The following ZNF438 variants were observed in gnomAD, a reference collection of about 807,000 sequenced individuals.
ZNF438 encodes the protein zinc finger protein 438.
ZNF438 carries 25 observed loss-of-function variants against 38.0 expected under a neutral mutation model. The observed-to-expected ratio is 0.66, with a 90% CI of 0.48 to 0.92. The LOEUF (loss-of-function observed/expected upper bound fraction) is 0.92, where lower values mean the gene tolerates loss of function less well. ZNF438 is among the 40% of genes least tolerant of loss of function. The pLI is 0.00. For synonymous variants in ZNF438, 372 were observed against 364.1 expected (o/e 1.02, Z -0.25); for missense variants, 1,007 against 999.6 (o/e 1.01, Z -0.10).
In ZNF438 at chr10:30,924,782, T is replaced by C. The variant is rs112045198; in HGVS notation, c.-114-15767A>G. ...ACTGCCTTAAATTGGTTAAGAGATA[T>C]GGCTATTGAATGCAATGTGGTATCC... On this transcript the variant is annotated intron_variant, in intron 2 of 5. Coordinates refer to ENST00000413025, the Ensembl canonical transcript of ZNF438. 6.0e-3 allele frequency among the ~76,000 whole-genome samples: 909 copies of C among 152,280 alleles called. 8 individuals are homozygous for C. The highest frequency in any genetic ancestry group is 0.021 in the African/African-American group (874 of 41,574).
At chr10:30,987,940 C>A (rs1391744813) in intron 1 of ZNF438, among the ~76,000 whole-genome samples, 1 of 152,138 alleles carries the variant, frequency 6.6e-6, no homozygotes, top group East Asian at 1.9e-4. Flanking sequence ...ATTTTTATGG[C>A]GAACTTACTT....
At chr10:31,032,288 C>G (rs2057339756), upstream of ZNF438, among the ~76,000 whole-genome samples, 2 of 152,192 alleles carry the variant, frequency 1.3e-5, no homozygotes, top group African/African-American at 4.8e-5. Flanking sequence ...AAAAGTTCTC[C>G]ACGTGTGGAA....
chr10:30,991,260 C>T (rs2053460722), intron 1 of ZNF438, among the ~76,000 whole-genome samples: 1 of 152,236 alleles, frequency 6.6e-6, no homozygotes, highest in East Asian at 1.9e-4. Context: ...AAGCCACTGG[C>T]ACTGTTCATT....
intron 4 of ZNF438, chr10:30,857,817 A>G (rs2034925375): frequency 1.5e-6 from 2 of 1,316,780 alleles, no homozygotes; most frequent in Non-Finnish European, 2.0e-6. Context: ...CAGTGGAGGA[A>G]AGAATGAGGG....
At chr10:30,907,751 T>G (rs1408072535) in intron 3 of ZNF438, among the ~76,000 whole-genome samples, 2 of 152,112 alleles carry the variant, frequency 1.3e-5, no homozygotes, top group African/African-American at 4.8e-5. Flanking sequence ...GGTTCATTAA[T>G]TTTGCTGATC....
chr10:31,030,788 G>A (rs1347976279), intron 1 of ZNF438, among the ~76,000 whole-genome samples: 1 of 152,186 alleles, frequency 6.6e-6, no homozygotes, highest in African/African-American at 2.4e-5. Flanking sequence ...TACTAGTCCC[G>A]GAGTTTGAGA....
chr10:30,894,449 C>T (rs77651382), intron 3 of ZNF438, among the ~76,000 whole-genome samples: 4,466 of 152,214 alleles, frequency 0.029, 103 homozygotes, highest in Non-Finnish European at 0.044. Context: ...TGTGTGTGTC[C>T]TCTAGTGCCC....
intron 1 of ZNF438, among the ~76,000 whole-genome samples, chr10:30,990,062 G>A (rs1336085438): frequency 1.3e-5 from 2 of 151,922 alleles, no homozygotes; most frequent in African/African-American, 4.8e-5. Context: ...CTTCAGTGAT[G>A]GTAATACTTG....
In ZNF438 at chr10:30,848,638, C is replaced by T. The variant is rs41289001; in HGVS notation, c.1767G>A (p.Val589=). 7,429 of 1,614,214 alleles carry T rather than the reference C, an allele frequency of 4.6e-3. 23 individuals carry two copies. Among genetic ancestry groups the T allele is most frequent in the Non-Finnish European group, 5.7e-3 (6,676 of 1,180,034 alleles). Reference sequence around the variant, plus strand: ...GCTCAGTGCTGATCACAACCCTATGCACTTCTTTCAGATGGCCAAAATAGA... The same window carrying T: ...GCTCAGTGCTGATCACAACCCTATGTACTTCTTTCAGATGGCCAAAATAGA... Residue 589 remains valine, a synonymous_variant, in exon 5 of 6, where the codon GTG becomes GTA. Coordinates refer to ENST00000413025, the Ensembl canonical transcript of ZNF438.
In ZNF438 at chr10:30,865,220, T is replaced by C. The variant is rs117773589; in HGVS notation, c.37+11778A>G. Among the ~76,000 whole-genome samples the C allele has an allele frequency of 4.3e-3, 652 of 152,354 alleles. 3 individuals carry two copies. Among genetic ancestry groups the C allele is most frequent in the Non-Finnish European group, 7.1e-3 (485 of 68,042 alleles). On this transcript the variant is annotated intron_variant, in intron 4 of 5. Coordinates refer to ENST00000413025, the Ensembl canonical transcript of ZNF438. ...CAACTGTTAGGAGAGAGAGAACATG[T>C]CTTTCTTCTAAGAGACATCTACAGC...
chr10:31,030,517 A>G (rs184927217), intron 1 of ZNF438, among the ~76,000 whole-genome samples: 8 of 152,340 alleles, frequency 5.3e-5, no homozygotes, highest in East Asian at 3.9e-4. Flanking sequence ...GGAAAAACCA[A>G]CAAACAGATA....
chr10:30,845,060 C>T (rs757839573), exon 6 of ZNF438: 1 of 1,614,190 alleles, frequency 6.2e-7, no homozygotes, highest in South Asian at 1.1e-5. Context: ...TATGCTGGTG[C>T]TTCCAGTGGT....
intron 2 of ZNF438, among the ~76,000 whole-genome samples, chr10:30,928,475 C>G (rs527984436): frequency 4.6e-5 from 7 of 150,916 alleles, no homozygotes; most frequent in Admixed American, 2.6e-4. Flanking sequence ...TCCAGTGGTA[C>G]ACTTATTTAT....
intron 4 of ZNF438, chr10:30,875,613 C>T (rs1007252977): frequency 1.0e-6 from 1 of 979,024 alleles, no homozygotes; most frequent in Non-Finnish European, 1.2e-6. Context: ...CCAGAGAACA[C>T]TCAAGAAAAA....
At chr10:31,000,490 A>G (rs2054540547) in intron 1 of ZNF438, among the ~76,000 whole-genome samples, 1 of 152,208 alleles carries the variant, frequency 6.6e-6, no homozygotes, top group Non-Finnish European at 1.5e-5. Flanking sequence ...TCTGATACCA[A>G]GTCTACATAG....
intron 2 of ZNF438, chr10:30,919,968 C>T (rs2044103092): frequency 6.6e-6 from 1 of 152,298 alleles, no homozygotes; most frequent in African/African-American, 2.4e-5. Context: ...ATAGAAATGT[C>T]CTTGGTTTTC....
At chr10:30,964,979 A>G (rs1171425538) in intron 1 of ZNF438, among the ~76,000 whole-genome samples, 5 of 152,244 alleles carry the variant, frequency 3.3e-5, no homozygotes, top group Non-Finnish European at 7.3e-5. Flanking sequence ...TTTGCACAGC[A>G]AAAGAACTAT....
intron 4 of ZNF438, among the ~76,000 whole-genome samples, chr10:30,868,877 C>T (rs1317990738): frequency 1.3e-5 from 2 of 152,198 alleles, no homozygotes; most frequent in African/African-American, 4.8e-5. Flanking sequence ...TATCAAAGTA[C>T]ATAAATGCTA....
chr10:30,935,754 G>T (rs182334300), intron 2 of ZNF438, among the ~76,000 whole-genome samples: 129 of 152,298 alleles, frequency 8.5e-4, no homozygotes, highest in African/African-American at 3.0e-3. Context: ...AAGGAAGCAG[G>T]CACGTCTTAC....
Sources: gnomAD v4.1 joint callset for allele counts (sites outside exome capture counted in the v4.1 genomes callset) on GRCh38, gnomAD v4.1.1 for gene constraint, MANE v1.5 for transcripts, NCBI Gene and HGNC (gene_info 2026-07-23, HGNC 2026-07-21) for gene names.